Variants in KLHDC10 observed in about 807,000 individuals in gnomAD.
The protein encoded by KLHDC10 is kelch domain containing 10, also known as kelch domain-containing protein 10.
KLHDC10 carries 24 observed loss-of-function variants against 56.1 expected under a neutral mutation model. That is an observed-to-expected ratio of 0.43 (90% confidence interval 0.31 to 0.60). The LOEUF (loss-of-function observed/expected upper bound fraction) is 0.60. Ranked by LOEUF, KLHDC10 falls within the 20% of genes least tolerant of loss-of-function variation. KLHDC10 has a pLI of 0.11. For missense variants in KLHDC10, 349 were observed against 567.0 expected (o/e 0.62, Z 3.91); for synonymous variants, 188 against 207.1 (o/e 0.91, Z 0.79).
chr7:130,097,913 T>G (rs1310156325), intron 2 of KLHDC10, among the ~76,000 whole-genome samples: 1 of 152,150 alleles, frequency 6.6e-6, no homozygotes, highest in East Asian at 1.9e-4. Context: ...AAAACTCTGG[T>G]TCACACTATT....
chr7:130,092,950 T>G (rs1435656053), intron 1 of KLHDC10, among the ~76,000 whole-genome samples: 2 of 152,012 alleles, frequency 1.3e-5, no homozygotes, highest in Non-Finnish European at 2.9e-5. Flanking sequence ...CATCTTCCAG[T>G]GATTCCTCAT....
At chr7:130,077,375 A>C (rs1217860401) in intron 1 of KLHDC10, among the ~76,000 whole-genome samples, 3 of 148,700 alleles carry the variant, frequency 2.0e-5, no homozygotes, top group African/African-American at 7.4e-5. Context: ...AAAAAAAAAA[A>C]AAAAAAACAG....
Position 130,106,163 on chromosome 7 carries a change from A to T in KLHDC10, c.253+9156A>T, listed in dbSNP as rs549190648. Among the ~76,000 whole-genome samples the T allele has an allele frequency of 8.8e-5, 13 of 147,742 alleles. 1 individual carries two copies. The East Asian group carries it at 1.9e-3, about 21-fold the overall frequency. ...CTCCGTCTCAAAATAAATAAATAAAATAAATAATAATCTGTACATTTATAT... is the reference window on the plus strand; with the variant it reads ...CTCCGTCTCAAAATAAATAAATAAATTAAATAATAATCTGTACATTTATAT... On this transcript the variant is annotated intron_variant, in intron 2 of 9. Transcript: ENST00000335420.
intron 1 of KLHDC10, among the ~76,000 whole-genome samples, chr7:130,072,501 C>G (rs1386295129): frequency 6.6e-6 from 1 of 152,178 alleles, no homozygotes; most frequent in Non-Finnish European, 1.5e-5. Flanking sequence ...TTTTCTGCTT[C>G]CCTTTTCTCT....
At chr7:130,109,127 G>C (rs939480430) in intron 2 of KLHDC10, among the ~76,000 whole-genome samples, 1 of 151,668 alleles carries the variant, frequency 6.6e-6, no homozygotes, top group Admixed American at 6.6e-5. Flanking sequence ...GGCTGGTCTC[G>C]AACTCCTAAT....
chr7:130,083,721 G>T (rs1162647568), intron 1 of KLHDC10, among the ~76,000 whole-genome samples: 1 of 152,140 alleles, frequency 6.6e-6, no homozygotes, highest in Non-Finnish European at 1.5e-5. Flanking sequence ...CTGCACTCCA[G>T]CCTGGGCGAC....
intron 1 of KLHDC10, among the ~76,000 whole-genome samples, chr7:130,078,185 T>C (rs1012374553): frequency 7.3e-5 from 11 of 151,660 alleles, no homozygotes; most frequent in Non-Finnish European, 1.5e-4. Flanking sequence ...TTGGCCAATA[T>C]GGTGAAACCC....
rs111703206 is a variant in KLHDC10 at position 130,105,875 on chromosome 7, C to T, written c.253+8868C>T. ...AATAATTTGTACATTTAAGGCCGGG[C>T]GCGGTGGCTCACGCCTGTAATCCCA... On this transcript the variant is annotated intron_variant, in intron 2 of 9. Transcript: ENST00000335420. Among the ~76,000 whole-genome samples, 1,283 of 152,238 alleles carry T rather than the reference C, an allele frequency of 8.4e-3. 20 individuals carry two copies. Among genetic ancestry groups the T allele is most frequent in the African/African-American group, 0.029 (1,216 of 41,520 alleles).
chr7:130,080,485 T>C (rs1795588013), intron 1 of KLHDC10, among the ~76,000 whole-genome samples: 1 of 151,970 alleles, frequency 6.6e-6, no homozygotes, highest in African/African-American at 2.4e-5. Context: ...CTCAACCTCC[T>C]GGGCTCAAGG....
chr7:130,118,744 T>C (rs931184037), intron 3 of KLHDC10, among the ~76,000 whole-genome samples: 3 of 152,178 alleles, frequency 2.0e-5, no homozygotes, highest in African/African-American at 7.2e-5. Flanking sequence ...GGTTATTCAC[T>C]GGCCTAATTT....
chr7:130,080,932 G>A (rs1004849004), intron 1 of KLHDC10, among the ~76,000 whole-genome samples: 2 of 151,620 alleles, frequency 1.3e-5, no homozygotes, highest in Non-Finnish European at 2.9e-5. Context: ...GTTTATAACC[G>A]GCTCTTGGAT....
At chr7:130,097,675 C>T (rs1795868516) in intron 2 of KLHDC10, among the ~76,000 whole-genome samples, 1 of 151,956 alleles carries the variant, frequency 6.6e-6, no homozygotes. Context: ...TAAGAATACC[C>T]AATGTTGGCA....
chr7:130,105,271 T>C (rs1795992637), intron 2 of KLHDC10, among the ~76,000 whole-genome samples: 1 of 152,182 alleles, frequency 6.6e-6, no homozygotes, highest in Admixed American at 6.5e-5. Context: ...CCAACAGAAA[T>C]GTGAGCCCCT....
chr7:130,076,579 A>C (rs1051757437), intron 1 of KLHDC10, among the ~76,000 whole-genome samples: 4 of 152,102 alleles, frequency 2.6e-5, no homozygotes, highest in Non-Finnish European at 4.4e-5. Context: ...TTCTCCAGGT[A>C]CTTCTGTAAT....
chr7:130,088,649 C>CT (rs111405203), intron 1 of KLHDC10, among the ~76,000 whole-genome samples: 4,108 of 140,100 alleles, frequency 0.029, 187 homozygotes, highest in African/African-American at 0.092. Flanking sequence ...TTCTTTCTTT[C>CT]TTTTTTTTTT....
At chr7:130,075,999 C>T (rs962004953) in intron 1 of KLHDC10, among the ~76,000 whole-genome samples, 11 of 151,752 alleles carry the variant, frequency 7.2e-5, no homozygotes, top group Admixed American at 2.6e-4. Context: ...TTTTTGGCAC[C>T]AGGGACCAGT....
chr7:130,108,239 A>G (rs1170533217), intron 2 of KLHDC10, among the ~76,000 whole-genome samples: 1 of 151,950 alleles, frequency 6.6e-6, no homozygotes, highest in African/African-American at 2.4e-5. Flanking sequence ...AAAAAAAGAA[A>G]AAAGAAACTA....
intron 3 of KLHDC10, among the ~76,000 whole-genome samples, chr7:130,119,698 G>T (rs1009609947): frequency 6.6e-6 from 1 of 151,932 alleles, no homozygotes; most frequent in Non-Finnish European, 1.5e-5. Flanking sequence ...ACAAAAATTA[G>T]CTGGGCATGG....
intron 1 of KLHDC10, among the ~76,000 whole-genome samples, chr7:130,072,922 G>A (rs1795438293): frequency 6.6e-6 from 1 of 151,874 alleles, no homozygotes; most frequent in Non-Finnish European, 1.5e-5. Flanking sequence ...CGCCAGGCTA[G>A]TTTTTGTATT....
Sources: allele counts gnomAD v4.1 joint callset (sites outside exome capture counted in the v4.1 genomes callset), GRCh38; gene constraint gnomAD v4.1.1; transcripts MANE v1.5; gene names NCBI Gene and HGNC (gene_info 2026-07-23, HGNC 2026-07-21).